Variants in ZFPM2 observed in about 807,000 individuals in gnomAD.
The protein encoded by ZFPM2 is zinc finger protein, FOG family member 2, also known as zinc finger protein ZFPM2.
A neutral mutation model predicts 98.6 loss-of-function variants in ZFPM2; 20 were observed. That is an observed-to-expected ratio of 0.20 (90% CI 0.14 to 0.29). The LOEUF is 0.29. Among genes scored for constraint, ZFPM2 ranks in the 10% least tolerant of loss-of-function variants. The pLI is 1.00. For synonymous variants in ZFPM2, 518 were observed against 502.7 expected, an observed-to-expected ratio of 1.03 and a Z score of -0.41; for missense variants, 1,310 against 1,388.6, an observed-to-expected ratio of 0.94 and a Z score of 0.90.
intron 3 of ZFPM2, among the ~76,000 whole-genome samples, chr8:105,559,577 A>T (rs1208291047): frequency 6.6e-6 from 1 of 152,216 alleles, no homozygotes; most frequent in East Asian, 1.9e-4. Context: ...TTGCTCAGAT[A>T]TAGATAAATT....
intron 5 of ZFPM2, among the ~76,000 whole-genome samples, chr8:105,782,693 A>C (rs1813285338): frequency 6.6e-6 from 1 of 152,054 alleles, no homozygotes; most frequent in South Asian, 2.1e-4. Flanking sequence ...ATTTTGGGTA[A>C]TATTTATATC....
chr8:105,431,946 C>G (rs1299127893), intron 2 of ZFPM2, among the ~76,000 whole-genome samples: 1 of 118,432 alleles, frequency 8.4e-6, no homozygotes, highest in African/African-American at 4.2e-5. Context: ...GAATGTGACA[C>G]TTAAGCTGGA....
chr8:105,510,344 T>C (rs1055705931), intron 3 of ZFPM2, among the ~76,000 whole-genome samples: 5 of 151,820 alleles, frequency 3.3e-5, no homozygotes, highest in African/African-American at 1.2e-4. Context: ...GAAACACTAC[T>C]TGCGACTATG....
intron 5 of ZFPM2, among the ~76,000 whole-genome samples, chr8:105,663,648 C>T (rs1024937360): frequency 5.9e-5 from 9 of 152,288 alleles, no homozygotes; most frequent in African/African-American, 2.2e-4. Flanking sequence ...TTTACCATCT[C>T]ATTGAATGTA....
rs147909504 is a variant in ZFPM2 at position 105,700,770 on chromosome 8, A to G, written c.532+66413A>G. On this transcript the variant is annotated intron_variant, in intron 5 of 7. Coordinates refer to ENST00000407775, the MANE Select transcript of ZFPM2 (RefSeq NM_012082.4). ...ACCACCACGCCTGGCTAATTTTTGT[A>G]TTTTTACTAGAGACTGGGTTTCACC... Among the ~76,000 whole-genome samples the G allele has an allele frequency of 1.8e-4, 27 of 151,888 alleles. No homozygotes were observed. The East Asian group carries it at 5.3e-3, about 30-fold the overall frequency.
intron 1 of ZFPM2, among the ~76,000 whole-genome samples, chr8:105,369,705 G>A (rs1016685916): frequency 1.3e-5 from 2 of 152,120 alleles, no homozygotes; most frequent in Admixed American, 6.6e-5. Context: ...TATGATCTGT[G>A]CTTTGGATGG....
At chr8:105,632,757 T>C (rs1446374575) in intron 4 of ZFPM2, among the ~76,000 whole-genome samples, 9 of 152,218 alleles carry the variant, frequency 5.9e-5, no homozygotes, top group African/African-American at 1.9e-4. Flanking sequence ...GCTTCATGGT[T>C]ATCTTTGCCA....
At chr8:105,388,325 G>A (rs1208966481) in intron 1 of ZFPM2, among the ~76,000 whole-genome samples, 1 of 152,062 alleles carries the variant, frequency 6.6e-6, no homozygotes, top group East Asian at 1.9e-4. Flanking sequence ...GAGAGAAAAG[G>A]GAAAAGGAGA....
chr8:105,647,422 C>G (rs1380434307), intron 5 of ZFPM2, among the ~76,000 whole-genome samples: 2 of 151,774 alleles, frequency 1.3e-5, no homozygotes, highest in African/African-American at 4.8e-5. Context: ...TACATATGCC[C>G]AATGTGCAGG....
intron 5 of ZFPM2, among the ~76,000 whole-genome samples, chr8:105,655,474 G>A (rs960986436): frequency 8.6e-5 from 13 of 151,788 alleles, no homozygotes; most frequent in Admixed American, 2.6e-4. Context: ...CAGATAATTC[G>A]CCCACTTCAG....
rs57419492 is a variant in ZFPM2 at position 105,441,482 on chromosome 8, G to GAAAGAAAGAAAGAAAGAAAAAA, written c.200-2779_200-2778insAAAAAAGAAAGAAAGAAAGAAA. The stretch of plus-strand genomic sequence containing the variant: ...AGAAAGAAAGAAAGAAAGAAAGAAA[G>GAAAGAAAGAAAGAAAGAAAAAA]AAAGAAAGAAAGAAAGAAATCAAAG... On this transcript the variant is annotated intron_variant, in intron 2 of 7. Coordinates refer to ENST00000407775, the MANE Select transcript of ZFPM2 (RefSeq NM_012082.4). Among the ~76,000 whole-genome samples the GAAAGAAAGAAAGAAAGAAAAAA allele has an allele frequency of 2.3e-5, 2 of 85,404 alleles. 1 individual carries two copies. The highest frequency in any genetic ancestry group is 1.6e-4 in the African/African-American group (2 of 12,828). The allele number at this position is 85,404 out of a possible 152,430, so 56.0% of individuals were successfully genotyped here.
Position 105,803,839 on chromosome 8 carries a change from A to C in ZFPM2, c.*301A>C. 3.1e-6 allele frequency: 1 copy of C among 323,040 alleles called. No individual in the cohort carries two copies. Among genetic ancestry groups the C allele is most frequent in the South Asian group, 3.8e-5 (1 of 26,274 alleles). The allele number at this position is 323,040 out of a possible 1,614,324, so 20.0% of individuals were successfully genotyped here. A position where few individuals can be genotyped will look rare whatever the true frequency, so the allele number is the denominator to read the frequency against. ...TGTTATTGTATAGTTATTGTGTAGC[A>C]CATATGGTTTGCACTGTATAGTAGC... On this transcript the variant is annotated 3_prime_UTR_variant, in exon 8 of 8. Coordinates refer to ENST00000407775, the MANE Select transcript of ZFPM2 (RefSeq NM_012082.4).
intron 3 of ZFPM2, among the ~76,000 whole-genome samples, chr8:105,532,373 G>T (rs1202209679): frequency 1.3e-5 from 2 of 152,132 alleles, no homozygotes; most frequent in African/African-American, 2.4e-5. Flanking sequence ...GTTTGGGATT[G>T]AATAACTTTT....
intron 4 of ZFPM2, among the ~76,000 whole-genome samples, chr8:105,584,461 A>G (rs1398866325): frequency 6.6e-6 from 1 of 152,128 alleles, no homozygotes; most frequent in Non-Finnish European, 1.5e-5. Context: ...CCTGTGTATC[A>G]ATTTCTTTTT....
chr8:105,745,029 C>T (rs1793751547), intron 5 of ZFPM2, among the ~76,000 whole-genome samples: 1 of 152,162 alleles, frequency 6.6e-6, no homozygotes, highest in African/African-American at 2.4e-5. Flanking sequence ...ATATTATGCA[C>T]ATCACAAGCT....
chr8:105,565,075 G>A (rs1309298274), intron 4 of ZFPM2, among the ~76,000 whole-genome samples: 1 of 151,794 alleles, frequency 6.6e-6, no homozygotes, highest in Non-Finnish European at 1.5e-5. Flanking sequence ...GTGTTGGCTC[G>A]GGAGATTCAG....
chr8:105,366,582 A>G (rs1486576086), intron 1 of ZFPM2, among the ~76,000 whole-genome samples: 1 of 151,886 alleles, frequency 6.6e-6, no homozygotes, highest in South Asian at 2.1e-4. Flanking sequence ...GGTTAGTTAC[A>G]TATGTATACA....
At chr8:105,574,791 G>A (rs1453410194) in intron 4 of ZFPM2, among the ~76,000 whole-genome samples, 1 of 150,676 alleles carries the variant, frequency 6.6e-6, no homozygotes, top group East Asian at 1.9e-4. Context: ...TCCTAATCTC[G>A]GATGCGGCAT....
At chr8:105,625,320 A>C (rs1334041986) in intron 4 of ZFPM2, among the ~76,000 whole-genome samples, 1 of 152,104 alleles carries the variant, frequency 6.6e-6, no homozygotes, top group African/African-American at 2.4e-5. Flanking sequence ...CAATAAACAC[A>C]AATAAGATAG....
Sources: allele counts gnomAD v4.1 joint callset (sites outside exome capture counted in the v4.1 genomes callset), GRCh38; gene constraint gnomAD v4.1.1; transcripts MANE v1.5; gene names NCBI Gene and HGNC (gene_info 2026-07-23, HGNC 2026-07-21).